The following TENM1 variants were observed in gnomAD, a reference collection of about 807,000 sequenced individuals.
TENM1 encodes teneurin-1.
In TENM1, 35 loss-of-function variants were observed where a neutral mutation model predicts 174.8. That is an observed-to-expected ratio of 0.20 (90% confidence interval 0.15 to 0.27). The LOEUF is 0.27. Among genes scored for constraint, TENM1 ranks in the 10% least tolerant of loss-of-function variants. The pLI is 1.00. For synonymous variants in TENM1, 781 were observed against 798.7 expected (o/e 0.98, Z 0.37); for missense variants, 1,633 against 2,130.1 (o/e 0.77, Z 4.59).
At chrX:125,089,013 T>G in the TENM1 span, among the ~76,000 whole-genome samples, 16,095 of 110,552 alleles carry the variant, frequency 0.15, 979 homozygotes, top group Admixed American at 0.3. Flanking sequence ...GACCACTTAC[T>G]TTAGTTCATT....
chrX:124,405,098 A>G, exon 27 of TENM1: 1 of 1,211,654 alleles, frequency 8.3e-7, no homozygotes, highest in Non-Finnish European at 1.1e-6. Context: ...CCACTCGATG[A>G]GGTTTGCATT....
chrX:124,989,840 T>A, the TENM1 span, among the ~76,000 whole-genome samples: 6 of 111,715 alleles, frequency 5.4e-5, no homozygotes, highest in Admixed American at 4.8e-4. Flanking sequence ...TTCTGGTGTA[T>A]ACTTTGTGTT....
intron 27 of TENM1, among the ~76,000 whole-genome samples, chrX:124,404,828 T>A (rs922439916): frequency 9.0e-6 from 1 of 111,464 alleles, no homozygotes; most frequent in Non-Finnish European, 1.9e-5. Context: ...GAATGCTCAT[T>A]TAAGGATACT....
At chrX:124,767,964 C>A (rs2054570904) in intron 3 of TENM1, among the ~76,000 whole-genome samples, 1 of 111,370 alleles carries the variant, frequency 9.0e-6, no homozygotes, top group Non-Finnish European at 1.9e-5. Flanking sequence ...ATAGGGTTTT[C>A]TCCTCAGTGT....
At chrX:124,948,444 T>C (rs769910048) in intron 1 of TENM1, among the ~76,000 whole-genome samples, 2 of 113,123 alleles carry the variant, frequency 1.8e-5, no homozygotes, top group East Asian at 2.8e-4. Context: ...CTAAACCAAC[T>C]GATTAATGTG....
chrX:125,091,399 G>A, the TENM1 span, among the ~76,000 whole-genome samples: 1 of 111,139 alleles, frequency 9.0e-6, no homozygotes, highest in East Asian at 2.9e-4. Flanking sequence ...TGACTGTGGA[G>A]GAATAAAAAG....
chrX:124,608,383 C>A (rs969723668), intron 11 of TENM1, among the ~76,000 whole-genome samples: 1 of 111,447 alleles, frequency 9.0e-6, no homozygotes, highest in South Asian at 3.8e-4. Flanking sequence ...GGGGCTGCAA[C>A]TTTGCTATTT....
intron 25 of TENM1, among the ~76,000 whole-genome samples, chrX:124,407,516 T>G (rs1447027339): frequency 8.9e-6 from 1 of 112,600 alleles, no homozygotes; most frequent in Non-Finnish European, 1.9e-5. Context: ...AGAGACTGGC[T>G]GTACTACTCC....
intron 15 of TENM1, among the ~76,000 whole-genome samples, chrX:124,530,520 T>C (rs1438901510): frequency 9.0e-6 from 1 of 111,498 alleles, no homozygotes; most frequent in East Asian, 2.8e-4. Context: ...GGTGTTCTCA[T>C]CAGAGGTACT....
intron 11 of TENM1, among the ~76,000 whole-genome samples, chrX:124,629,744 G>C (rs1458248137): frequency 8.9e-6 from 1 of 112,082 alleles, no homozygotes; most frequent in Non-Finnish European, 1.9e-5. Flanking sequence ...TTTCCATGCT[G>C]AATCTCTGAC....
chrX:124,876,566 A>T (rs967044959), intron 3 of TENM1, among the ~76,000 whole-genome samples: 4 of 111,729 alleles, frequency 3.6e-5, no homozygotes, highest in African/African-American at 1.3e-4. Context: ...TCTTTAAAAG[A>T]TTTGGAAGCT....
chrX:124,609,281 A>G (rs768927940), intron 11 of TENM1, among the ~76,000 whole-genome samples: 63 of 111,764 alleles, frequency 5.6e-4, no homozygotes, highest in Non-Finnish European at 1.1e-3. Flanking sequence ...TAGGGTAGAA[A>G]ATTAGACTGA....
intron 1 of TENM1, among the ~76,000 whole-genome samples, chrX:124,925,534 C>T (rs1603278525): frequency 8.9e-6 from 1 of 111,985 alleles, no homozygotes; most frequent in East Asian, 2.8e-4. Context: ...TTTGTGTGTG[C>T]TGCACTGAAT....
chrX:124,446,890 T>C (rs1037293773), intron 23 of TENM1, among the ~76,000 whole-genome samples: 5 of 112,296 alleles, frequency 4.5e-5, no homozygotes, highest in African/African-American at 1.6e-4. Flanking sequence ...TAAAAATATA[T>C]GATGCTGCCA....
intron 19 of TENM1, among the ~76,000 whole-genome samples, chrX:124,501,023 C>T (rs1224195881): frequency 9.0e-6 from 1 of 111,086 alleles, no homozygotes; most frequent in Non-Finnish European, 1.9e-5. Flanking sequence ...AATTCTTTAC[C>T]AATTTTGAGA....
At position 124,646,697 on chromosome X, in the gene TENM1, G is replaced by A; in HGVS notation, c.1681+12C>T. The A allele has an allele frequency of 8.8e-7, 1 of 1,138,946 alleles. No homozygotes were observed. The highest frequency in any genetic ancestry group is 1.2e-6 in the Non-Finnish European group (1 of 832,883). 93.9% of individuals were successfully genotyped at this position (1,138,946 alleles called of 1,213,427 possible). A position where few individuals can be genotyped will look rare whatever the true frequency, so the allele number is the denominator to read the frequency against. On this transcript the variant is annotated intron_variant, in intron 9 of 31. Transcript: ENST00000422452. ...TTTTCCTAAACCAATCAGAATAACA[G>A]AGCAACATTACCTCTAGCACAGTCA...
At chrX:124,892,451 G>C (rs1240041711) in intron 3 of TENM1, among the ~76,000 whole-genome samples, 2 of 111,772 alleles carry the variant, frequency 1.8e-5, no homozygotes, top group African/African-American at 6.5e-5. Context: ...TTAAGGAAAT[G>C]AGGAAAAAAA....
chrX:124,638,053 A>G (rs150148153), intron 11 of TENM1, among the ~76,000 whole-genome samples: 139 of 111,906 alleles, frequency 1.2e-3, no homozygotes, highest in African/African-American at 4.4e-3. Context: ...ACTTTTTTCC[A>G]GATCTAATAT....
chrX:125,185,481 T>C, the TENM1 span, among the ~76,000 whole-genome samples: 1 of 112,387 alleles, frequency 8.9e-6, no homozygotes, highest in Non-Finnish European at 1.9e-5. Context: ...AGCTTATCTA[T>C]AAAATGGACA....
Sources: gnomAD v4.1 joint callset for allele counts (sites outside exome capture counted in the v4.1 genomes callset) on GRCh38, gnomAD v4.1.1 for gene constraint, MANE v1.5 for transcripts, NCBI Gene and HGNC (gene_info 2026-07-23, HGNC 2026-07-21) for gene names.